The following COX10 variants were observed in gnomAD, a reference collection of about 807,000 sequenced individuals.
COX10 encodes the protein protoheme IX farnesyltransferase, mitochondrial.
COX10 carries 27 observed loss-of-function variants against 37.3 expected under a neutral mutation model. That is an observed-to-expected ratio of 0.72 (90% CI 0.53 to 1.00). The LOEUF (loss-of-function observed/expected upper bound fraction) is 1.00, where lower values mean the gene tolerates loss of function less well. Ranked by LOEUF, COX10 falls within the 50% of genes least tolerant of loss-of-function variation. The pLI is 0.00. For missense variants in COX10, 475 were observed against 563.2 expected, an observed-to-expected ratio of 0.84 and a Z score of 1.59; for synonymous variants, 222 against 229.1, an observed-to-expected ratio of 0.97 and a Z score of 0.28.
chr17:14,074,520 A>G, intron 2 of COX10, 64 bp downstream of exon 2: 1 of 1,441,540 alleles, frequency 6.9e-7, no homozygotes, highest in Non-Finnish European at 9.8e-7. Context: ...AGAGAATTTC[A>G]GAAATTCCTA....
chr17:14,202,223 C>CTTT (rs66479644), intron 6 of COX10, among the ~76,000 whole-genome samples: 3 of 140,054 alleles, frequency 2.1e-5, no homozygotes, highest in African/African-American at 5.3e-5. Context: ...GTGGCAACAA[C>CTTT]TTTTTTTTTT....
rs530979510 is a variant in COX10, at chr17:14,162,788, C to G, written c.695+2841C>G. 2.0e-5 allele frequency among the ~76,000 whole-genome samples: 3 copies of G among 152,182 alleles called. No homozygotes were observed. The South Asian group carries it at 6.2e-4, about 32-fold the overall frequency. On this transcript the variant is annotated intron_variant, in intron 5 of 6. Coordinates refer to ENST00000261643, the MANE Select transcript of COX10 (RefSeq NM_001303.4). ...TTTGCAAAAGAAAATGGATTGTAATCGAATCCTCAAACACAGATATAGAGT... is the reference window on the plus strand; with the variant it reads ...TTTGCAAAAGAAAATGGATTGTAATGGAATCCTCAAACACAGATATAGAGT...
chr17:14,102,442 G>C (rs1003244425), intron 4 of COX10, among the ~76,000 whole-genome samples, 200 bp downstream of exon 4: 28 of 152,264 alleles, frequency 1.8e-4, no homozygotes, highest in African/African-American at 5.1e-4. Flanking sequence ...ATGTTCAGGT[G>C]AGAGAGCAGT....
chr17:14,172,201 A>G (rs1248220897), intron 5 of COX10, among the ~76,000 whole-genome samples: 1 of 152,194 alleles, frequency 6.6e-6, no homozygotes, highest in Non-Finnish European at 1.5e-5. Flanking sequence ...TGCTGTGATG[A>G]AAAGTACTAT....
Position 14,076,817 on chromosome 17 carries a change from C to T in COX10, c.260C>T (p.Thr87Ile), listed in dbSNP as rs144000161. The T allele has an allele frequency of 2.7e-4, 441 of 1,614,156 alleles. 1 individual carries two copies. In the East Asian group the frequency reaches 7.8e-3, roughly 29 times the overall value. Reference sequence around the variant, plus strand: ...GTAGCATCTCCTTTCCTTGAAAAAACATCTTCAGGTCAAGCCAAAGCAGAA... The same window carrying T: ...GTAGCATCTCCTTTCCTTGAAAAAATATCTTCAGGTCAAGCCAAAGCAGAA... ...EPVASPFLEK[T>I]SSGQAKAEIY... The change falls in exon 3 of 7, where the codon ACA (threonine) becomes ATA (isoleucine). Residue 87 changes from threonine to isoleucine, a missense_variant. By Grantham distance (89) the Thr-to-Ile change is moderately conservative. Transcript: ENST00000261643.
intron 5 of COX10, among the ~76,000 whole-genome samples, chr17:14,160,992 C>CA (rs1298613646): frequency 6.6e-6 from 1 of 152,160 alleles, no homozygotes; most frequent in African/African-American, 2.4e-5. Context: ...CTGCTCTCGC[C>CA]ACTGGTAATG....
chr17:14,076,491 C>G (rs1190305637), intron 2 of COX10, among the ~76,000 whole-genome samples: 1 of 152,096 alleles, frequency 6.6e-6, no homozygotes, highest in Non-Finnish European at 1.5e-5. Context: ...ACATATATTT[C>G]TAGGCTTTTC....
chr17:14,124,904 C>T (rs945441342), intron 4 of COX10, among the ~76,000 whole-genome samples: 5 of 152,134 alleles, frequency 3.3e-5, no homozygotes, highest in African/African-American at 9.7e-5. Flanking sequence ...AAATGTGCTC[C>T]AATTTTAGAA....
intron 4 of COX10, among the ~76,000 whole-genome samples, chr17:14,139,165 T>C (rs934982850): frequency 2.6e-5 from 4 of 152,198 alleles, no homozygotes; most frequent in Admixed American, 6.5e-5. Context: ...TCTTGATTTT[T>C]ATAAAAAGTA....
At chr17:14,146,467 C>T (rs1904723063) in intron 4 of COX10, among the ~76,000 whole-genome samples, 1 of 152,080 alleles carries the variant, frequency 6.6e-6, no homozygotes, top group African/African-American at 2.4e-5. Flanking sequence ...AAACTAGACC[C>T]CTATCTCTTG....
rs1011143032 is a variant in COX10 at position 14,177,325 on chromosome 17, A to G, written c.696-14664A>G. Reference sequence around the variant, plus strand: ...GAGCAGACACAAAAGGAAAAAAAAGAAAATACCAACTCCATGTGTCTGAGG... The same window carrying G: ...GAGCAGACACAAAAGGAAAAAAAAGGAAATACCAACTCCATGTGTCTGAGG... On this transcript the variant is annotated intron_variant, in intron 5 of 6. Transcript: ENST00000261643. The G allele has an allele frequency of 4.8e-5, 32 of 668,116 alleles. No homozygotes were observed. The African/African-American group carries it at 5.0e-4, about 11-fold the overall frequency. 41.4% of individuals were successfully genotyped at this position (668,116 alleles called of 1,614,324 possible).
chr17:14,114,737 A>C (rs1217764418), intron 4 of COX10, among the ~76,000 whole-genome samples: 1 of 152,116 alleles, frequency 6.6e-6, no homozygotes, highest in Non-Finnish European at 1.5e-5. Flanking sequence ...CCTAAAATGA[A>C]TATTCTTAAG....
chr17:14,174,896 A>G (rs979997255), intron 5 of COX10, among the ~76,000 whole-genome samples: 1 of 150,798 alleles, frequency 6.6e-6, no homozygotes, highest in African/African-American at 2.4e-5. Context: ...TACGGCTGAA[A>G]TACTACTCAG....
intron 5 of COX10, among the ~76,000 whole-genome samples, chr17:14,173,265 A>G (rs1905539689): frequency 6.6e-6 from 1 of 152,220 alleles, no homozygotes; most frequent in Non-Finnish European, 1.5e-5. Flanking sequence ...GATGGATGAT[A>G]AGAGAAAGAA....
chr17:14,204,167 G>A (rs1906627372), intron 6 of COX10, among the ~76,000 whole-genome samples: 1 of 152,088 alleles, frequency 6.6e-6, no homozygotes, highest in Non-Finnish European at 1.5e-5. Flanking sequence ...CATACCCTAA[G>A]AAGTTCACCT....
Position 14,180,473 on chromosome 17 carries a change from C to T in COX10, c.696-11516C>T, listed in dbSNP as rs1905824413. Among the ~76,000 whole-genome samples the T allele has an allele frequency of 2.0e-5, 3 of 152,060 alleles. No individual in the cohort carries two copies. The South Asian group carries it at 6.2e-4, about 32-fold the overall frequency. On this transcript the variant is annotated intron_variant, in intron 5 of 6. Transcript: ENST00000261643. ...CATTACAATGGTTGAACAAGAGGAACGCTGCTGGGATTTTCTGAAAGTTAC... is the reference window on the plus strand; with the variant it reads ...CATTACAATGGTTGAACAAGAGGAATGCTGCTGGGATTTTCTGAAAGTTAC...
At chr17:14,179,355 A>C in intron 5 of COX10, 1 of 239,962 alleles carries the variant, frequency 4.2e-6, no homozygotes, top group Non-Finnish European at 6.7e-6. Context: ...AAAGATGTCA[A>C]GGCCTACTGT....
Position 14,187,970 on chromosome 17 carries a change from C to A in COX10, c.696-4019C>A, listed in dbSNP as rs71250589. On this transcript the variant is annotated intron_variant, in intron 5 of 6. Transcript: ENST00000261643. ...TCAACAAAGGTCAGAAACTAAACTT[C>A]CACATAAAATGGCCTATCTCAATAA... Among the ~76,000 whole-genome samples, 8 of 152,306 alleles carry A rather than the reference C, an allele frequency of 5.3e-5. No homozygotes were observed. The East Asian group carries it at 7.7e-4, about 15-fold the overall frequency.
At chr17:14,133,567 T>A (rs576687489) in intron 4 of COX10, among the ~76,000 whole-genome samples, 1 of 151,670 alleles carries the variant, frequency 6.6e-6, no homozygotes, top group South Asian at 2.1e-4. Context: ...TATAAAACAT[T>A]TAATAAATAT....
Sources: gnomAD v4.1 joint callset for allele counts (sites outside exome capture counted in the v4.1 genomes callset) on GRCh38, gnomAD v4.1.1 for gene constraint, MANE v1.5 for transcripts, NCBI Gene and HGNC (gene_info 2026-07-23, HGNC 2026-07-21) for gene names.